The following SMIM26 variants were observed in gnomAD, a reference collection of about 807,000 sequenced individuals.
The protein encoded by SMIM26 is long intergenic non-protein coding RNA 493.
In SMIM26, 2 loss-of-function variants were observed where a neutral mutation model predicts 2.5. The observed-to-expected ratio is 0.80, with a 90% CI of 0.33 to 2.53. The LOEUF (loss-of-function observed/expected upper bound fraction) is 2.53, where lower values mean the gene tolerates loss of function less well. SMIM26 is among the 30% of genes most tolerant of loss of function. SMIM26 has a pLI of 0.11. For synonymous variants in SMIM26, 32 were observed against 17.8 expected, an observed-to-expected ratio of 1.80 and a Z score of -2.01; for missense variants, 77 against 46.1, an observed-to-expected ratio of 1.67 and a Z score of -1.94.
chr20:18,567,659 T>C, intron 1 of SMIM26, 63 bp downstream of exon 1: 1 of 696,308 alleles, frequency 1.4e-6, no homozygotes, highest in Non-Finnish European at 2.6e-6. Context: ...TCCCCGGGGG[T>C]CATGGAAACA....
At chr20:18,567,773 A>G (rs2060519057) in intron 1 of SMIM26, among the ~76,000 whole-genome samples, 177 bp downstream of exon 1, 1 of 152,336 alleles carries the variant, frequency 6.6e-6, no homozygotes, top group Admixed American at 6.5e-5. Context: ...AGACTCCAGG[A>G]ATTATTAATA....
Position 18,567,450 on chromosome 20 carries a change from C to T in SMIM26, c.-29C>T, listed in dbSNP as rs921419532. 2.8e-6 allele frequency: 2 copies of T among 702,738 alleles called. No homozygotes were observed. The highest frequency in any genetic ancestry group is 5.2e-6 in the Non-Finnish European group (2 of 384,892). 43.5% of individuals were successfully genotyped at this position (702,738 alleles called of 1,614,324 possible). On this transcript the variant is annotated 5_prime_UTR_variant, in exon 1 of 2. Transcript: ENST00000411646. ...AAGTCCCGCCTCTGCCGTGGGCCTG[C>T]GAGAATCGAGGCACTCGCTGGCGTA...
Position 18,569,397 on chromosome 20 carries a change from GAACCATGAC to G in SMIM26, c.281_*1del, listed in dbSNP as rs1488363140. The G allele has an allele frequency of 4.3e-6, 3 of 702,718 alleles. No homozygotes were observed. Among genetic ancestry groups the G allele is most frequent in the Non-Finnish European group, 7.8e-6 (3 of 384,986 alleles). 43.5% of individuals were successfully genotyped at this position (702,718 alleles called of 1,614,324 possible). On this transcript the variant is annotated stop_lost and 3_prime_UTR_variant, in exon 2 of 2. Transcript: ENST00000411646. ...ATCATGGACTGGTGGCCCTGGTACA[GAACCATGAC>G]TGGCTGCTGAATTCTGAAAACCAGG...
At chr20:18,567,654 G>T (rs2060518526) in intron 1 of SMIM26, 58 bp downstream of exon 1, 1 of 697,782 alleles carries the variant, frequency 1.4e-6, no homozygotes, top group Non-Finnish European at 2.6e-6. Context: ...AGAGTTCCCC[G>T]GGGGTCATGG....
rs748973348 is a variant in SMIM26, at chr20:18,567,536, G to A, written c.58G>A (p.Gly20Ser). Residue 20 changes from glycine (G) to serine (S), a missense_variant, in exon 1 of 2, where the codon GGC becomes AGC. By Grantham distance (56) the Gly-to-Ser change is moderately conservative. Transcript: ENST00000411646. The stretch of plus-strand genomic sequence containing the variant: ...GCGGATGTCGGTGGTCTACGGGATC[G>A]GCACCTGGTCTGTGTTGGGCTCACT... ...YRRMSVVYGIGTWSVLGSLLY... is the reference protein window; with the variant it reads ...YRRMSVVYGISTWSVLGSLLY... The A allele has an allele frequency of 4.3e-6, 3 of 702,992 alleles. No individual in the cohort carries two copies. In the South Asian group the frequency reaches 4.4e-5, roughly 10 times the overall value. 43.5% of individuals were successfully genotyped at this position (702,992 alleles called of 1,614,324 possible).
chr20:18,567,887 G>C (rs1165132813), intron 1 of SMIM26, among the ~76,000 whole-genome samples: 4 of 152,214 alleles, frequency 2.6e-5, no homozygotes, highest in Non-Finnish European at 5.9e-5. Context: ...GACTTTCAGA[G>C]ACTCTGGCCG....
At chr20:18,567,620 C>G (rs1342442050) in intron 1 of SMIM26, 24 bp downstream of exon 1, 1 of 702,540 alleles carries the variant, frequency 1.4e-6, no homozygotes, top group Non-Finnish European at 2.6e-6. Flanking sequence ...GCGGGGCCTG[C>G]CCCGGAACAC....
At chr20:18,567,671 CT>C (rs1386270045) in intron 1 of SMIM26, 75 bp downstream of exon 1, 6 of 689,444 alleles carry the variant, frequency 8.7e-6, no homozygotes, top group Non-Finnish European at 1.6e-5. Flanking sequence ...ATGGAAACAA[CT>C]TCCCTGTCCT....
intron 1 of SMIM26, 57 bp downstream of exon 1, chr20:18,567,653 C>G (rs1400108278): frequency 1.1e-5 from 7 of 610,570 alleles, no homozygotes; most frequent in Non-Finnish European, 2.1e-5. Flanking sequence ...GAGAGTTCCC[C>G]GGGGGTCATG....
chr20:18,568,332 G>A (rs2060521315), intron 1 of SMIM26, among the ~76,000 whole-genome samples: 1 of 152,112 alleles, frequency 6.6e-6, no homozygotes, highest in South Asian at 2.1e-4. Context: ...AAGTACATGT[G>A]TCCAGCATTA....
Position 18,569,184 on chromosome 20 carries a change from A to G in SMIM26, c.119-52A>G, listed in dbSNP as rs540862026. On this transcript the variant is annotated intron_variant, in intron 1 of 1. Transcript: ENST00000411646. Reference sequence around the variant, plus strand: ...TCTAAGACTTTAATGACTGCTTTCTAAGTTAATAATTCAGGTGTTCTTTTT... The same window carrying G: ...TCTAAGACTTTAATGACTGCTTTCTGAGTTAATAATTCAGGTGTTCTTTTT... 40 of 629,030 alleles carry G rather than the reference A, an allele frequency of 6.4e-5. No homozygotes were observed. In the South Asian group the frequency reaches 7.2e-4, roughly 11 times the overall value. The allele number at this position is 629,030 out of a possible 1,614,324, so 39.0% of individuals were successfully genotyped here. A position where few individuals can be genotyped will look rare whatever the true frequency, so the allele number is the denominator to read the frequency against.
rs187719343 is a variant in SMIM26 at position 18,567,981 on chromosome 20, G to T, written c.118+385G>T. ...TTTCAGTACTTTTAGCAGCCAAGGC[G>T]TATTAAAATCTTCCAGTTACTAAGC... On this transcript the variant is annotated intron_variant, in intron 1 of 1. Transcript: ENST00000411646. Among the ~76,000 whole-genome samples, 360 of 152,200 alleles carry T rather than the reference G, an allele frequency of 2.4e-3. 1 individual carries two copies. The highest frequency in any genetic ancestry group is 8.2e-3 in the African/African-American group (339 of 41,516).
Position 18,567,545 on chromosome 20 carries a change from T to C in SMIM26, c.67T>C (p.Ser23Pro), listed in dbSNP as rs1297429326. The C allele has an allele frequency of 1.4e-6, 1 of 702,904 alleles. No homozygotes were observed. The highest frequency in any genetic ancestry group is 2.0e-5 in the Admixed American group (1 of 50,002). 43.5% of individuals were successfully genotyped at this position (702,904 alleles called of 1,614,324 possible). The part of the protein sequence containing the change: ...MSVVYGIGTW[S>P]VLGSLLYYSR... ...GGTGGTCTACGGGATCGGCACCTGG[T>C]CTGTGTTGGGCTCACTGCTTTACTA... Residue 23 changes from serine to proline, a missense_variant, in exon 1 of 2, where the codon TCT becomes CCT. Physicochemically the swap from Ser to Pro is moderately conservative, Grantham distance 74. Transcript: ENST00000411646.
At chr20:18,567,778 T>C (rs564628556) in intron 1 of SMIM26, among the ~76,000 whole-genome samples, 182 bp downstream of exon 1, 136 of 152,356 alleles carry the variant, frequency 8.9e-4, no homozygotes, top group Non-Finnish European at 1.7e-3. Flanking sequence ...CCAGGAATTA[T>C]TAATACCTTG....
chr20:18,568,998 A>T, intron 1 of SMIM26: 1 of 384,108 alleles, frequency 2.6e-6, no homozygotes, highest in Non-Finnish European at 4.7e-6. Flanking sequence ...CTGGTCTCAA[A>T]CACCTGACCT....
Position 18,567,571 on chromosome 20 carries a change from T to C in SMIM26, c.93T>C (p.Tyr31=). Residue 31 remains tyrosine (Y), a synonymous_variant, in exon 1 of 2, where the codon TAT becomes TAC. Coordinates refer to ENST00000411646, the MANE Select transcript of SMIM26 (RefSeq NM_001348957.2). ...CTGTGTTGGGCTCACTGCTTTACTA[T>C]AGCCGGACAATGGCGAAGTCGTCAG... ...TWSVLGSLLY[Y]SRTMAKSSVD... 1.4e-6 allele frequency: 1 copy of C among 703,046 alleles called. No individual in the cohort carries two copies. Among genetic ancestry groups the C allele is most frequent in the Non-Finnish European group, 2.6e-6 (1 of 385,004 alleles). The allele number at this position is 703,046 out of a possible 1,614,324, so 43.6% of individuals were successfully genotyped here. A position where few individuals can be genotyped will look rare whatever the true frequency, so the allele number is the denominator to read the frequency against.
downstream of SMIM26, chr20:18,569,597 C>T (rs560434706): frequency 3.2e-4 from 151 of 475,904 alleles, no homozygotes; most frequent in African/African-American, 2.7e-3. Context: ...TTTTTTGAGA[C>T]GGAGTCTTGC....
rs555101206 is a variant in SMIM26 at position 18,569,171 on chromosome 20, A to G, written c.119-65A>G. On this transcript the variant is annotated intron_variant, in intron 1 of 1. Coordinates refer to ENST00000411646, the MANE Select transcript of SMIM26 (RefSeq NM_001348957.2). ...ACCTTAGTTAATTTCTAAGACTTTA[A>G]TGACTGCTTTCTAAGTTAATAATTC... 3.9e-4 allele frequency: 240 copies of G among 619,538 alleles called. 2 individuals carry two copies. In the African/African-American group the frequency reaches 4.1e-3, roughly 10 times the overall value. 38.4% of individuals were successfully genotyped at this position (619,538 alleles called of 1,614,324 possible). A position where few individuals can be genotyped will look rare whatever the true frequency, so the allele number is the denominator to read the frequency against.
intron 1 of SMIM26, 85 bp downstream of exon 1, chr20:18,567,681 C>G: frequency 2.9e-6 from 2 of 687,976 alleles, no homozygotes; most frequent in South Asian, 1.5e-5. Flanking sequence ...CTTCCCTGTC[C>G]TTTAAATCCC....
Sources: gnomAD v4.1 joint callset for allele counts (sites outside exome capture counted in the v4.1 genomes callset) on GRCh38, gnomAD v4.1.1 for gene constraint, MANE v1.5 for transcripts, NCBI Gene and HGNC (gene_info 2026-07-23, HGNC 2026-07-21) for gene names.